The following LTBP1 variants were observed in gnomAD, a reference collection of about 807,000 sequenced individuals.
LTBP1 encodes latent transforming growth factor beta binding protein 1.
LTBP1 carries 129 observed loss-of-function variants against 207.6 expected under a neutral mutation model. The ratio of observed to expected loss-of-function variants is 0.62; its 90% CI spans 0.54 to 0.72. The LOEUF is 0.72. Among genes scored for constraint, LTBP1 ranks in the 30% least tolerant of loss-of-function variants. The pLI, the probability that LTBP1 is intolerant of heterozygous loss-of-function variation, is 0.00. For missense variants in LTBP1, 2,281 were observed against 2,217.2 expected, an observed-to-expected ratio of 1.03 and a Z score of -0.58; for synonymous variants, 963 against 833.7, an observed-to-expected ratio of 1.16 and a Z score of -2.67.
At chr2:33,296,491 G>A (rs1192724463) in intron 20 of LTBP1, among the ~76,000 whole-genome samples, 2 of 152,042 alleles carry the variant, frequency 1.3e-5, no homozygotes, top group Non-Finnish European at 2.9e-5. Context: ...GTATGACCTT[G>A]GGTGAATAAT....
At chr2:33,264,754 C>G (rs1024752658) in intron 15 of LTBP1, among the ~76,000 whole-genome samples, 9 of 152,156 alleles carry the variant, frequency 5.9e-5, no homozygotes, top group Non-Finnish European at 1.3e-4. Context: ...GACTCTCTCA[C>G]ATTGCTAAAG....
chr2:33,390,428 G>A (rs1442363872), intron 32 of LTBP1, among the ~76,000 whole-genome samples: 2 of 152,008 alleles, frequency 1.3e-5, no homozygotes, highest in Admixed American at 6.6e-5. Context: ...ACAGGAAAAC[G>A]CCCATTTTGA....
At chr2:33,110,997 C>T (rs548599308) in intron 4 of LTBP1, among the ~76,000 whole-genome samples, 137 of 152,264 alleles carry the variant, frequency 9.0e-4, no homozygotes, top group African/African-American at 3.2e-3. Context: ...TCTGTTTCTG[C>T]AATATGGCTT....
chr2:33,037,931 T>C (rs549126547), intron 3 of LTBP1, among the ~76,000 whole-genome samples: 1 of 152,200 alleles, frequency 6.6e-6, no homozygotes, highest in East Asian at 1.9e-4. Flanking sequence ...GTTGCCTAGG[T>C]TGGTCTTCAA....
chr2:33,262,163 G>T (rs139410650), intron 13 of LTBP1, among the ~76,000 whole-genome samples: 44 of 152,328 alleles, frequency 2.9e-4, no homozygotes, highest in Non-Finnish European at 5.4e-4. Context: ...CTGTTGCTCT[G>T]CCTGGCTACC....
chr2:33,209,427 G>A (rs1334033648), intron 7 of LTBP1, among the ~76,000 whole-genome samples: 7 of 152,092 alleles, frequency 4.6e-5, no homozygotes, highest in South Asian at 4.1e-4. Context: ...TGACAAGTAC[G>A]ATCGTGATGT....
chr2:33,263,534 G>T, intron 15 of LTBP1, 142 bp downstream of exon 15: 1 of 570,886 alleles, frequency 1.8e-6, no homozygotes, highest in South Asian at 2.5e-5. Flanking sequence ...TCTAAATACA[G>T]TTAAAAAGGA....
chr2:33,218,496 A>G (rs913456379), intron 8 of LTBP1, among the ~76,000 whole-genome samples: 2 of 152,204 alleles, frequency 1.3e-5, no homozygotes, highest in African/African-American at 2.4e-5. Flanking sequence ...TCTTGGGTTC[A>G]AGTGATTCTC....
At chr2:33,002,791 C>T (rs1355491533) in intron 2 of LTBP1, among the ~76,000 whole-genome samples, 1 of 152,044 alleles carries the variant, frequency 6.6e-6, no homozygotes, top group Non-Finnish European at 1.5e-5. Flanking sequence ...GATTCTCATG[C>T]CTCAGTCTCC....
At chr2:33,132,501 G>A (rs1200301520) in intron 4 of LTBP1, among the ~76,000 whole-genome samples, 1 of 152,186 alleles carries the variant, frequency 6.6e-6, no homozygotes. Flanking sequence ...GAGTTGAATA[G>A]GAATAGAGTC....
At chr2:33,099,921 G>A (rs1014859852) in intron 3 of LTBP1, among the ~76,000 whole-genome samples, 1 of 152,178 alleles carries the variant, frequency 6.6e-6, no homozygotes, top group African/African-American at 2.4e-5. Flanking sequence ...TCACAAGGGG[G>A]AATAGATAAA....
chr2:33,026,601 A>G (rs2075426433), intron 3 of LTBP1, among the ~76,000 whole-genome samples: 1 of 152,136 alleles, frequency 6.6e-6, no homozygotes, highest in Admixed American at 6.5e-5. Flanking sequence ...TCTGTGAGGT[A>G]GTTGAAGGTT....
chr2:33,021,290 T>C (rs1428698296), intron 3 of LTBP1, 84 bp downstream of exon 3: 3 of 1,264,568 alleles, frequency 2.4e-6, no homozygotes, highest in African/African-American at 1.5e-5. Context: ...GTCCCTTTCC[T>C]GCACAATTTG....
At chr2:33,147,631 C>T (rs2083158409) in intron 5 of LTBP1, among the ~76,000 whole-genome samples, 1 of 152,224 alleles carries the variant, frequency 6.6e-6, no homozygotes, top group Non-Finnish European at 1.5e-5. Context: ...TACCTCAGGT[C>T]CTGCTCCTGT....
Position 33,280,106 on chromosome 2 carries a change from C to T in LTBP1, c.3060C>T (p.Tyr1020=), listed in dbSNP as rs771580532. The T allele has an allele frequency of 5.0e-6, 8 of 1,614,042 alleles. 1 individual carries two copies. Among genetic ancestry groups the T allele is most frequent in the Middle Eastern group, 1.6e-4 (1 of 6,062 alleles). ...DEQCVNSPGS[Y]QCVPCTEGFR... ...AGTGTGTGAATTCTCCTGGATCTTACCAGTGCGTTCCCTGCACAGAAGGAT... is the reference window on the plus strand; with the variant it reads ...AGTGTGTGAATTCTCCTGGATCTTATCAGTGCGTTCCCTGCACAGAAGGAT... Residue 1020 remains tyrosine, a synonymous_variant, in exon 19 of 34, where the codon TAC becomes TAT. Coordinates refer to ENST00000404816, the MANE Select transcript of LTBP1 (RefSeq NM_206943.4).
rs916912174 is a variant in LTBP1 at position 32,948,884 on chromosome 2, C to A, written c.504C>A (p.Val168=). ...HQKQQLQGVN[V]CGGRCCHGWS... is the part of the protein sequence containing the mutation. ...TCTTGCTTTGTTTCAGGGTCAATGT[C>A]TGTGGAGGGCGGTGCTGTCATGGCT... Residue 168 remains valine, a synonymous_variant, in exon 2 of 34, where the codon GTC becomes GTA. Coordinates refer to ENST00000404816, the MANE Select transcript of LTBP1 (RefSeq NM_206943.4). The A allele has an allele frequency of 9.3e-6, 15 of 1,614,148 alleles. No homozygotes were observed. Among genetic ancestry groups the A allele is most frequent in the Middle Eastern group, 3.3e-4 (2 of 6,062 alleles).
chr2:33,367,024 T>C (rs2094997279), intron 31 of LTBP1, among the ~76,000 whole-genome samples: 1 of 152,202 alleles, frequency 6.6e-6, no homozygotes, highest in African/African-American at 2.4e-5. Context: ...ACTCTGCTCC[T>C]TAAAGACACT....
intron 3 of LTBP1, among the ~76,000 whole-genome samples, chr2:33,080,017 T>TTTTTGTTTTG (rs1000779522): frequency 1.3e-5 from 2 of 151,936 alleles, no homozygotes; most frequent in Admixed American, 6.6e-5. Flanking sequence ...AGAGACCACT[T>TTTTTGTTTTG]TTTTGTTTTG....
At position 32,994,037 on chromosome 2, in the gene LTBP1, C is replaced by G. The variant is rs902959302; in HGVS notation, c.566-26872C>G. ...GGGGTTATTCAGGGACCATTCATTACAGAGCTTGACTGTGGGAAAGAGTAG... is the reference window on the plus strand; with the variant it reads ...GGGGTTATTCAGGGACCATTCATTAGAGAGCTTGACTGTGGGAAAGAGTAG... On this transcript the variant is annotated intron_variant, in intron 2 of 33. Transcript: ENST00000404816. Among the ~76,000 whole-genome samples the G allele has an allele frequency of 4.7e-5, 7 of 148,304 alleles. No individual in the cohort carries two copies. The Admixed American group carries it at 4.7e-4, about 10-fold the overall frequency.
Sources: allele counts gnomAD v4.1 joint callset (sites outside exome capture counted in the v4.1 genomes callset), GRCh38; gene constraint gnomAD v4.1.1; transcripts MANE v1.5; gene names NCBI Gene and HGNC (gene_info 2026-07-23, HGNC 2026-07-21).